ERBB2: variants seen among roughly 807,000 people sequenced by gnomAD.
ERBB2 encodes the protein receptor tyrosine-protein kinase erbB-2.
ERBB2 carries 61 observed loss-of-function variants against 149.0 expected under a neutral mutation model. The observed-to-expected ratio is 0.41, with a 90% CI of 0.33 to 0.51. The LOEUF is 0.51. Among genes scored for constraint, ERBB2 ranks in the 20% least tolerant of loss-of-function variants. The pLI is 0.25. For synonymous variants in ERBB2, 633 were observed against 678.8 expected (o/e 0.93, Z 1.05); for missense variants, 1,205 against 1,655.1 (o/e 0.73, Z 4.72).
chr17:39,716,314 G>A lies in ERBB2; in HGVS notation c.1527G>A (p.Leu509=). The A allele has an allele frequency of 6.3e-7, 1 of 1,596,106 alleles. No individual in the cohort carries two copies. The highest frequency in any genetic ancestry group is 1.1e-5 in the South Asian group (1 of 88,748). Residue 509 remains leucine (L), a synonymous_variant, in exon 13 of 27, where the codon CTG becomes CTA. Coordinates refer to ENST00000269571, the MANE Select transcript of ERBB2 (RefSeq NM_004448.4). ...TCCTCACTGCAGTGGGCGAGGGCCT[G>A]GCCTGCCACCAGCTGTGCGCCCGAG... is the stretch of plus-strand genomic sequence containing the variant. ...RPEDECVGEG[L]ACHQLCARGH...
At chr17:39,696,169 C>G (rs1301721207), upstream of ERBB2, among the ~76,000 whole-genome samples, 4 of 152,330 alleles carry the variant, frequency 2.6e-5, no homozygotes, top group South Asian at 8.3e-4. Context: ...AGCGCCCACC[C>G]CTGCCCCCCT....
At chr17:39,721,861 G>A (rs953916263) in intron 16 of ERBB2, among the ~76,000 whole-genome samples, 4 of 152,052 alleles carry the variant, frequency 2.6e-5, no homozygotes, top group Admixed American at 1.3e-4. Context: ...AGTATAAACC[G>A]TACTTTGAAT....
intron 1 of ERBB2, among the ~76,000 whole-genome samples, chr17:39,705,693 C>G (rs966888741): frequency 2.6e-5 from 4 of 152,180 alleles, no homozygotes; most frequent in African/African-American, 9.7e-5. Context: ...CTTGCCCTAC[C>G]AGCCTCTCCC....
Position 39,726,386 on chromosome 17 carries a change from A to C in ERBB2, c.2873-176A>C. 1 of 604,192 alleles carries C rather than the reference A, an allele frequency of 1.7e-6. No homozygotes were observed. Among genetic ancestry groups the C allele is most frequent in the African/African-American group, 1.9e-5 (1 of 53,946 alleles). 37.4% of individuals were successfully genotyped at this position (604,192 alleles called of 1,614,324 possible). On this transcript the variant is annotated intron_variant, in intron 23 of 26. Transcript: ENST00000269571. The surrounding 1 kb of genome is among the most constrained non-coding windows in gnomAD (Gnocchi z 5.1). ...AAAAAAAATTAAAAGGGAAACTAGA[A>C]GAGATGCCAAAGGTTCTGGCTGAAG...
At chr17:39,704,423 A>C (rs2058298878) in intron 1 of ERBB2, among the ~76,000 whole-genome samples, 1 of 152,104 alleles carries the variant, frequency 6.6e-6, no homozygotes, top group Non-Finnish European at 1.5e-5. Context: ...AAATACAAAA[A>C]TTAGCCAGGT....
chr17:39,703,544 C>A (rs1014212979), intron 1 of ERBB2: 3 of 152,234 alleles, frequency 2.0e-5, no homozygotes, highest in African/African-American at 7.2e-5. Context: ...CAATTCATTA[C>A]CTCATTTAAC....
At position 39,726,110 on chromosome 17, in the gene ERBB2, GA is replaced by G. The variant is rs1466659748; in HGVS notation, c.2872+258del. On this transcript the variant is annotated intron_variant, in intron 23 of 26. Coordinates refer to ENST00000269571, the MANE Select transcript of ERBB2 (RefSeq NM_004448.4). The surrounding 1 kb of genome is among the most constrained non-coding windows in gnomAD (Gnocchi z 5.1). ...GTACTTTTGGAGGCTGAGGTGGGAG[GA>G]TCCCTTGAAGCCAGGAGTTCAAGAC... is the stretch of plus-strand genomic sequence containing the variant. 9 of 480,004 alleles carry G rather than the reference GA, an allele frequency of 1.9e-5. No homozygotes were observed. The highest frequency in any genetic ancestry group is 1.2e-4 in the Admixed American group (3 of 25,090). The allele number at this position is 480,004 out of a possible 1,614,324, so 29.7% of individuals were successfully genotyped here. A position where few individuals can be genotyped will look rare whatever the true frequency, so the allele number is the denominator to read the frequency against.
upstream of ERBB2, among the ~76,000 whole-genome samples, chr17:39,694,303 G>GTATATATA (rs371746832): frequency 3.8e-3 from 288 of 75,748 alleles, 8 homozygotes; most frequent in African/African-American, 0.013. Context: ...ATATATATGT[G>GTATATATA]TATATATATA....
At chr17:39,709,538 C>T (rs548142907) in intron 4 of ERBB2, 86 bp downstream of exon 4, 53 of 1,513,122 alleles carry the variant, frequency 3.5e-5, no homozygotes, top group Middle Eastern at 2.0e-4. Context: ...AGTGCCTGCC[C>T]GCCACTGCCC....
chr17:39,718,980 G>T (rs2145734704), intron 15 of ERBB2, among the ~76,000 whole-genome samples: 1 of 151,756 alleles, frequency 6.6e-6, no homozygotes, highest in South Asian at 2.1e-4. Flanking sequence ...ATGGATCCAG[G>T]CTGGGCATGG....
In ERBB2 at chr17:39,727,443, C is replaced by T. The variant is rs759923732; in HGVS notation, c.3308C>T (p.Thr1103Ile). 33 of 1,611,322 alleles carry T rather than the reference C, an allele frequency of 2.0e-5. No homozygotes were observed. The highest frequency in any genetic ancestry group is 3.3e-4 in the Middle Eastern group (2 of 6,066). Residue 1103 changes from threonine (T) to isoleucine (I), a missense_variant, in exon 26 of 27, where the codon ACA becomes ATA. Physicochemically the swap from Thr to Ile is moderately conservative, Grantham distance 89 (BLOSUM62 -1). Coordinates refer to ENST00000269571, the MANE Select transcript of ERBB2 (RefSeq NM_004448.4). This position sits in a 1 kb window ranked among gnomAD's most constrained non-coding sequence, Gnocchi z 4.3. ...GAAKGLQSLP[T>I]HDPSPLQRYS... ...GCCAAGGGGCTGCAAAGCCTCCCCA[C>T]ACATGACCCCAGCCCTCTACAGCGG...
At chr17:39,691,562 T>A (rs749309680), upstream of ERBB2, among the ~76,000 whole-genome samples, 1,465 of 122,542 alleles carry the variant, frequency 0.012, 22 homozygotes, top group African/African-American at 0.022. Context: ...AAAAAATATA[T>A]ATATATATAT....
chr17:39,726,170 C>T lies in ERBB2; in HGVS notation c.2872+317C>T. On this transcript the variant is annotated intron_variant, in intron 23 of 26. Transcript: ENST00000269571. This position sits in a 1 kb window ranked among gnomAD's most constrained non-coding sequence, Gnocchi z 5.1. ...GCAACATAGTGAGATCCTATCTCTA[C>T]AAAAAATAAAAAAATTATCTGGGTG... 1 of 397,342 alleles carries T rather than the reference C, an allele frequency of 2.5e-6. No individual in the cohort carries two copies. The highest frequency in any genetic ancestry group is 4.6e-6 in the Non-Finnish European group (1 of 219,676). 24.6% of individuals were successfully genotyped at this position (397,342 alleles called of 1,614,324 possible). A position where few individuals can be genotyped will look rare whatever the true frequency, so the allele number is the denominator to read the frequency against.
At position 39,727,134 on chromosome 17, in the gene ERBB2, C is replaced by A; in HGVS notation, c.3159+131C>A. 8.1e-7 allele frequency: 1 copy of A among 1,229,652 alleles called. No homozygotes were observed. Among genetic ancestry groups the A allele is most frequent in the Non-Finnish European group, 1.1e-6 (1 of 879,396 alleles). The allele number at this position is 1,229,652 out of a possible 1,614,324, so 76.2% of individuals were successfully genotyped here. A position where few individuals can be genotyped will look rare whatever the true frequency, so the allele number is the denominator to read the frequency against. Reference sequence around the variant, plus strand: ...AACCCCATTATCCCTACAAAAAATTCTTACTGCCTTCCAACCCCTGTGACC... The same window carrying A: ...AACCCCATTATCCCTACAAAAAATTATTACTGCCTTCCAACCCCTGTGACC... On this transcript the variant is annotated intron_variant, in intron 25 of 26. Transcript: ENST00000269571. The surrounding 1 kb of genome is among the most constrained non-coding windows in gnomAD (Gnocchi z 4.3).
chr17:39,704,865 A>T (rs2058333665), intron 1 of ERBB2, among the ~76,000 whole-genome samples: 1 of 151,960 alleles, frequency 6.6e-6, no homozygotes, highest in African/African-American at 2.4e-5. Context: ...CAGCCCAGCC[A>T]CCCTGCCCTC....
Position 39,709,464 on chromosome 17 carries a change from C to G in ERBB2, c.574+12C>G, listed in dbSNP as rs2145478095. ...CCGCTCTCGGGCCTGTAAGCCATGC[C>G]CCTCCCTGCTGCCTCTTCTCTCAGA... On this transcript the variant is annotated intron_variant, in intron 4 of 26. Transcript: ENST00000269571. 1 of 1,613,868 alleles carries G rather than the reference C, an allele frequency of 6.2e-7. No individual in the cohort carries two copies. Among genetic ancestry groups the G allele is most frequent in the South Asian group, 1.1e-5 (1 of 91,074 alleles).
At chr17:39,719,517 CT>C (rs766675882) in intron 15 of ERBB2, among the ~76,000 whole-genome samples, 123 of 152,310 alleles carry the variant, frequency 8.1e-4, no homozygotes, top group Non-Finnish European at 4.4e-4. Flanking sequence ...AATAGTTGAG[CT>C]CCCGGGCTTG....
At chr17:39,719,526 T>A (rs2059334723) in intron 15 of ERBB2, among the ~76,000 whole-genome samples, 1 of 152,208 alleles carries the variant, frequency 6.6e-6, no homozygotes, top group Admixed American at 6.5e-5. Context: ...GCTCCCGGGC[T>A]TGCTCTTCTG....
At chr17:39,696,312 T>A (rs1338929904), upstream of ERBB2, among the ~76,000 whole-genome samples, 1 of 151,278 alleles carries the variant, frequency 6.6e-6, no homozygotes, top group African/African-American at 2.4e-5. Context: ...CCCCAGCTCC[T>A]CCCCCCATCC....
Sources: gnomAD v4.1 joint callset for allele counts (sites outside exome capture counted in the v4.1 genomes callset) on GRCh38, gnomAD v4.1.1 for gene constraint, Gnocchi (gnomAD v3.1) non-coding constraint, MANE v1.5 for transcripts, NCBI Gene and HGNC (gene_info 2026-07-23, HGNC 2026-07-21) for gene names.